The following NAALADL2 variants were observed in gnomAD, a reference collection of about 807,000 sequenced individuals.
NAALADL2 encodes N-acetylated alpha-linked acidic dipeptidase like 2, also known as inactive N-acetylated-alpha-linked acidic dipeptidase-like protein 2.
A neutral mutation model predicts 87.2 loss-of-function variants in NAALADL2; 76 were observed. The ratio of observed to expected loss-of-function variants is 0.87; its 90% CI spans 0.72 to 1.05. The LOEUF is 1.05. Ranked by LOEUF, NAALADL2 falls within the 50% of genes least tolerant of loss-of-function variation. The probability of loss-of-function intolerance (pLI) is 0.00; values close to 1 mark genes in which losing one functional copy is unlikely to be tolerated. For missense variants in NAALADL2, 1,089 were observed against 945.8 expected, an observed-to-expected ratio of 1.15 and a Z score of -1.99; for synonymous variants, 354 against 331.0, an observed-to-expected ratio of 1.07 and a Z score of -0.75.
intron 9 of NAALADL2, among the ~76,000 whole-genome samples, chr3:175,574,808 A>G (rs914491496): frequency 1.3e-5 from 2 of 152,182 alleles, no homozygotes; most frequent in African/African-American, 4.8e-5. Flanking sequence ...ACGCCAGAGA[A>G]GCATGAGAGG....
chr3:174,603,464 C>A (rs2108615587), intron 2 of NAALADL2, among the ~76,000 whole-genome samples: 1 of 151,970 alleles, frequency 6.6e-6, no homozygotes, highest in South Asian at 2.1e-4. Context: ...TCTCTTTTTT[C>A]ATCTCTGATT....
chr3:174,997,572 C>T (rs1747670868), intron 1 of NAALADL2, among the ~76,000 whole-genome samples: 1 of 152,064 alleles, frequency 6.6e-6, no homozygotes, highest in South Asian at 2.1e-4. Flanking sequence ...TGCCTGTAAT[C>T]CTAGCACTTT....
intron 3 of NAALADL2, among the ~76,000 whole-genome samples, chr3:174,836,090 A>C (rs1169831844): frequency 6.6e-6 from 1 of 152,218 alleles, no homozygotes; most frequent in Non-Finnish European, 1.5e-5. Flanking sequence ...TGTGGAAGCA[A>C]CCCAAAAGTC....
chr3:175,056,872 G>A (rs1217927195), intron 1 of NAALADL2, among the ~76,000 whole-genome samples: 1 of 152,178 alleles, frequency 6.6e-6, no homozygotes, highest in Non-Finnish European at 1.5e-5. Flanking sequence ...GGTGGGCCAG[G>A]TGTTCCTTGC....
chr3:175,394,544 A>G (rs1769513934), intron 5 of NAALADL2, among the ~76,000 whole-genome samples: 3 of 152,208 alleles, frequency 2.0e-5, no homozygotes, highest in Admixed American at 6.5e-5. Flanking sequence ...TATCACCTTG[A>G]GATTCATTGT....
intron 2 of NAALADL2, among the ~76,000 whole-genome samples, chr3:174,721,672 T>G (rs1435414845): frequency 6.6e-6 from 1 of 152,110 alleles, no homozygotes; most frequent in Non-Finnish European, 1.5e-5. Flanking sequence ...CTACCAGAGT[T>G]CCATGGATGT....
intron 9 of NAALADL2, among the ~76,000 whole-genome samples, chr3:175,487,201 C>T (rs1727403816): frequency 6.6e-6 from 1 of 152,146 alleles, no homozygotes; most frequent in African/African-American, 2.4e-5. Flanking sequence ...ACAGCGAGAC[C>T]CACCTCATCT....
chr3:174,791,403 C>T (rs541145883), intron 3 of NAALADL2, among the ~76,000 whole-genome samples: 1 of 152,328 alleles, frequency 6.6e-6, no homozygotes, highest in African/African-American at 2.4e-5. Flanking sequence ...ACCATCCATC[C>T]TTCCACCACG....
chr3:174,925,706 A>C (rs181704356), intron 1 of NAALADL2, among the ~76,000 whole-genome samples: 1 of 152,090 alleles, frequency 6.6e-6, no homozygotes, highest in African/African-American at 2.4e-5. Context: ...CTATCCATGA[A>C]CATGGAATGT....
intron 5 of NAALADL2, among the ~76,000 whole-genome samples, chr3:175,399,046 A>G (rs1260240838): frequency 6.6e-6 from 1 of 152,032 alleles, no homozygotes; most frequent in Non-Finnish European, 1.5e-5. Flanking sequence ...ACCTAGTTAA[A>G]AAAATAAAAA....
chr3:175,182,025 C>A (rs1472544949), intron 2 of NAALADL2, among the ~76,000 whole-genome samples: 1 of 151,762 alleles, frequency 6.6e-6, no homozygotes, highest in Non-Finnish European at 1.5e-5. Context: ...CAAAAATGTA[C>A]AACGGTTCCT....
intron 5 of NAALADL2, among the ~76,000 whole-genome samples, chr3:175,440,388 A>G (rs1469984310): frequency 2.0e-5 from 3 of 151,922 alleles, no homozygotes; most frequent in African/African-American, 7.3e-5. Context: ...GTTCCATATG[A>G]ATTTTAGAAT....
At chr3:174,445,932 T>G (rs925272323) in intron 1 of NAALADL2, among the ~76,000 whole-genome samples, 1 of 152,180 alleles carries the variant, frequency 6.6e-6, no homozygotes, top group Non-Finnish European at 1.5e-5. Flanking sequence ...ATTGCTTAAT[T>G]TGTTTGCCAG....
At chr3:174,998,906 A>G (rs1427287129) in intron 1 of NAALADL2, among the ~76,000 whole-genome samples, 1 of 152,192 alleles carries the variant, frequency 6.6e-6, no homozygotes, top group African/African-American at 2.4e-5. Flanking sequence ...AAGAATAATC[A>G]TCTATTAGAA....
At chr3:174,697,844 C>T (rs1244134090) in intron 2 of NAALADL2, among the ~76,000 whole-genome samples, 1 of 152,146 alleles carries the variant, frequency 6.6e-6, no homozygotes, top group Admixed American at 6.5e-5. Context: ...GTAATCCCAG[C>T]ACTTTGGGAG....
At chr3:174,511,077 T>C (rs1451960962) in intron 1 of NAALADL2, among the ~76,000 whole-genome samples, 1 of 152,042 alleles carries the variant, frequency 6.6e-6, no homozygotes, top group African/African-American at 2.4e-5. Flanking sequence ...TTTTAATCTT[T>C]TAAATTTATT....
chr3:175,281,236 A>C (rs1754271667), intron 4 of NAALADL2, among the ~76,000 whole-genome samples: 1 of 151,766 alleles, frequency 6.6e-6, no homozygotes, highest in Non-Finnish European at 1.5e-5. Context: ...TCCTGGCTTT[A>C]TAAACCAATT....
chr3:174,896,460 A>C (rs371171175), intron 1 of NAALADL2, among the ~76,000 whole-genome samples: 1 of 152,194 alleles, frequency 6.6e-6, no homozygotes, highest in African/African-American at 2.4e-5. Context: ...GAATTAACCA[A>C]AGAATTAAAG....
At chr3:174,927,158 C>T (rs889885717) in intron 1 of NAALADL2, among the ~76,000 whole-genome samples, 2 of 152,072 alleles carry the variant, frequency 1.3e-5, no homozygotes, top group African/African-American at 4.8e-5. Context: ...GAAGAGCTAA[C>T]TATCGTAATT....
Sources: allele counts gnomAD v4.1 joint callset (sites outside exome capture counted in the v4.1 genomes callset), GRCh38; gene constraint gnomAD v4.1.1; transcripts MANE v1.5; gene names NCBI Gene and HGNC (gene_info 2026-07-23, HGNC 2026-07-21).